Variants in ETNK1 observed in about 807,000 individuals in gnomAD.
ETNK1 encodes the protein ethanolamine kinase 1.
In ETNK1, 8 loss-of-function variants were observed where a neutral mutation model predicts 45.1. That is an observed-to-expected ratio of 0.18 (90% confidence interval 0.10 to 0.32). The LOEUF is 0.32. ETNK1 is among the 10% of genes least tolerant of loss of function. The probability of loss-of-function intolerance (pLI) is 1.00; values close to 1 mark genes in which losing one functional copy is unlikely to be tolerated. For synonymous variants in ETNK1, 152 were observed against 151.9 expected, an observed-to-expected ratio of 1.00 and a Z score of -0.01; for missense variants, 302 against 430.6, an observed-to-expected ratio of 0.70 and a Z score of 2.64.
intron 4 of ETNK1, 146 bp from the exon 5 acceptor site, chr12:22,671,126 C>T (rs2137567764): frequency 3.0e-6 from 2 of 675,110 alleles, no homozygotes; most frequent in East Asian, 5.4e-5. Context: ...ATTCACAGCC[C>T]CTTACCCTGT....
Position 22,643,852 on chromosome 12 carries a change from T to C in ETNK1, c.246T>C (p.Asn82=), listed in dbSNP as rs962784288. Residue 82 remains asparagine, a synonymous_variant, in exon 2 of 8, where the codon AAT becomes AAC. Transcript: ENST00000266517. The stretch of plus-strand genomic sequence containing the variant: ...TAGTCCTGGTGAGAATTTATGGCAA[T>C]AAGACTGAGTTATTAGTCGATCGAG... ...EDVVLVRIYG[N]KTELLVDRDE... 1.9e-6 allele frequency: 3 copies of C among 1,613,450 alleles called. No homozygotes were observed. The highest frequency in any genetic ancestry group is 2.5e-6 in the Non-Finnish European group (3 of 1,179,538).
chr12:22,682,677 T>C (rs959776672), intron 6 of ETNK1, among the ~76,000 whole-genome samples: 18 of 152,172 alleles, frequency 1.2e-4, no homozygotes, highest in African/African-American at 3.4e-4. Context: ...TTTACTGTTA[T>C]TGTGTGATGG....
chr12:22,643,034 A>T (rs1592118087), intron 1 of ETNK1, among the ~76,000 whole-genome samples: 1 of 152,024 alleles, frequency 6.6e-6, no homozygotes. Flanking sequence ...AAAAAATACC[A>T]TAGAAATCTC....
At chr12:22,664,481 GCA>G (rs914787028) in intron 4 of ETNK1, among the ~76,000 whole-genome samples, 5 of 151,924 alleles carry the variant, frequency 3.3e-5, no homozygotes, top group African/African-American at 9.7e-5. Flanking sequence ...TATACACAAG[GCA>G]CACATACTAT....
intron 1 of ETNK1, among the ~76,000 whole-genome samples, chr12:22,639,581 G>A (rs11046509): frequency 0.23 from 35,093 of 151,880 alleles, 4,896 homozygotes; most frequent in Non-Finnish European, 0.32. Flanking sequence ...GGAGGCTGAG[G>A]CAGGAGAGTC....
chr12:22,671,446 G>A, intron 5 of ETNK1, 91 bp downstream of exon 5: 2 of 873,850 alleles, frequency 2.3e-6, no homozygotes, highest in Non-Finnish European at 3.7e-6. Flanking sequence ...GTGAGCAGGG[G>A]GAACATTTTC....
In ETNK1 at chr12:22,625,606, T is replaced by C; in HGVS notation, c.156+20T>C. 6.4e-7 allele frequency: 1 copy of C among 1,556,654 alleles called. No homozygotes were observed. The highest frequency in any genetic ancestry group is 1.2e-5 in the South Asian group (1 of 85,040). ...CTGCAGGTAACGCCCACACCTCAGC[T>C]CTGGGTCTCTTATGCCCCTCACGCG... On this transcript the variant is annotated intron_variant, in intron 1 of 7. Coordinates refer to ENST00000266517, the MANE Select transcript of ETNK1 (RefSeq NM_018638.5).
intron 6 of ETNK1, 108 bp from the exon 7 acceptor site, chr12:22,684,375 G>T: frequency 1.4e-6 from 1 of 731,748 alleles, no homozygotes; most frequent in Non-Finnish European, 2.3e-6. Flanking sequence ...AGAACAGCAA[G>T]AAAGTGTGGT....
chr12:22,684,194 G>A (rs1954238454), intron 6 of ETNK1, among the ~76,000 whole-genome samples: 1 of 152,076 alleles, frequency 6.6e-6, no homozygotes, highest in Admixed American at 6.6e-5. Context: ...ACATCTATCA[G>A]TGCTGATGGT....
At chr12:22,660,440 C>T (rs1240219642) in intron 3 of ETNK1, among the ~76,000 whole-genome samples, 2 of 152,052 alleles carry the variant, frequency 1.3e-5, no homozygotes, top group Non-Finnish European at 2.9e-5. Flanking sequence ...CAAAAAGTCG[C>T]GATTTCTAGT....
chr12:22,625,358 T>G lies in ETNK1; in HGVS notation c.-73T>G, dbSNP rs1197581234. The G allele has an allele frequency of 6.4e-7, 1 of 1,552,916 alleles. No individual in the cohort carries two copies. The highest frequency in any genetic ancestry group is 1.4e-5 in the African/African-American group (1 of 73,528). Reference sequence around the variant, plus strand: ...GCCCCGGGACGGAAGGATCCACCAGTCTGTCGGCGCCCGCCGTTCTCGTGG... The same window carrying G: ...GCCCCGGGACGGAAGGATCCACCAGGCTGTCGGCGCCCGCCGTTCTCGTGG... On this transcript the variant is annotated 5_prime_UTR_variant, in exon 1 of 8. Transcript: ENST00000266517.
At chr12:22,637,219 A>G (rs1242371980) in intron 1 of ETNK1, among the ~76,000 whole-genome samples, 5 of 152,346 alleles carry the variant, frequency 3.3e-5, no homozygotes, top group Admixed American at 6.5e-5. Context: ...CGGGGCAGTC[A>G]TAGAGTTCAC....
chr12:22,639,498 G>A (rs1352072025), intron 1 of ETNK1, among the ~76,000 whole-genome samples: 1 of 152,078 alleles, frequency 6.6e-6, no homozygotes, highest in Non-Finnish European at 1.5e-5. Context: ...CCAACATGGC[G>A]AAACCCCATC....
chr12:22,625,546 A>C lies in ETNK1; in HGVS notation c.116A>C (p.His39Pro), dbSNP rs749222898. The change falls in exon 1 of 8, where the codon CAC (histidine) becomes CCC (proline). Residue 39 changes from histidine (H) to proline (P), a missense_variant. This residue lies in a region of ETNK1 where 205 missense variants were observed against 259.9 expected (regional missense o/e 0.79). Transcript: ENST00000266517. ...CREGALSLLQ[H>P]LRPHWDPQEV... ...GAGGGGGCCCTGAGCCTCCTGCAAC[A>C]CCTGCGGCCTCACTGGGACCCCCAG... The C allele has an allele frequency of 1.2e-6, 2 of 1,603,176 alleles. No individual in the cohort carries two copies. The highest frequency in any genetic ancestry group is 1.7e-6 in the Non-Finnish European group (2 of 1,175,418).
Position 22,685,126 on chromosome 12 carries a change from A to C in ETNK1, c.*172A>C. The C allele has an allele frequency of 1.9e-6, 1 of 530,838 alleles. No homozygotes were observed. The highest frequency in any genetic ancestry group is 3.7e-5 in the Admixed American group (1 of 27,322). 32.9% of individuals were successfully genotyped at this position (530,838 alleles called of 1,614,324 possible). A position where few individuals can be genotyped will look rare whatever the true frequency, so the allele number is the denominator to read the frequency against. ...TTTTTGAAATAGACTGAATGATGTC[A>C]AGAAATATACCTACTGCTATCCGTA... is the stretch of plus-strand genomic sequence containing the variant. On this transcript the variant is annotated 3_prime_UTR_variant, in exon 8 of 8. Coordinates refer to ENST00000266517, the MANE Select transcript of ETNK1 (RefSeq NM_018638.5).
rs1326101338 is a variant in ETNK1 at position 22,630,257 on chromosome 12, C to CGAA, written c.156+4671_156+4672insGAA. On this transcript the variant is annotated intron_variant, in intron 1 of 7. Coordinates refer to ENST00000266517, the MANE Select transcript of ETNK1 (RefSeq NM_018638.5). Reference sequence around the variant, plus strand: ...CGCATGTTTTGGTACTACGTTCTTCCACCTCTCATTTCCAATTCTCCCATC... The same window carrying CGAA: ...CGCATGTTTTGGTACTACGTTCTTCCGAAACCTCTCATTTCCAATTCTCCCATC... Among the ~76,000 whole-genome samples, 3 of 152,138 alleles carry CGAA rather than the reference C, an allele frequency of 2.0e-5. No homozygotes were observed. In the East Asian group the frequency reaches 5.8e-4, roughly 29 times the overall value.
At chr12:22,651,689 T>C (rs1437833974) in intron 2 of ETNK1, among the ~76,000 whole-genome samples, 1 of 148,582 alleles carries the variant, frequency 6.7e-6, no homozygotes, top group Non-Finnish European at 1.5e-5. Context: ...TCCCTTTTTT[T>C]TTTTTTTTTT....
chr12:22,625,663 T>A (rs1347559675), intron 1 of ETNK1, 77 bp downstream of exon 1: 13 of 1,515,758 alleles, frequency 8.6e-6, no homozygotes, highest in South Asian at 1.2e-5. Context: ...ATCGCCTCTG[T>A]CCCACGATGA....
At chr12:22,665,826 C>A (rs1012197687) in intron 4 of ETNK1, among the ~76,000 whole-genome samples, 5 of 151,854 alleles carry the variant, frequency 3.3e-5, no homozygotes, top group African/African-American at 7.3e-5. Flanking sequence ...TAGTTAAGTC[C>A]TATAACTACT....
Sources: gnomAD v4.1 joint callset for allele counts (sites outside exome capture counted in the v4.1 genomes callset) on GRCh38, gnomAD v4.1.1 for gene constraint, gnomAD v4.1.1 regional missense constraint, MANE v1.5 for transcripts, NCBI Gene and HGNC (gene_info 2026-07-23, HGNC 2026-07-21) for gene names.